Variants in RUNX2 observed in about 807,000 individuals in gnomAD.
The protein encoded by RUNX2 is RUNX family transcription factor 2.
In RUNX2, 10 loss-of-function variants were observed where a neutral mutation model predicts 51.7. That is an observed-to-expected ratio of 0.19 (90% CI 0.12 to 0.33). RUNX2 has a LOEUF of 0.33. Among genes scored for constraint, RUNX2 ranks in the 10% least tolerant of loss-of-function variants. The pLI is 1.00. For missense variants in RUNX2, 562 were observed against 691.3 expected, an observed-to-expected ratio of 0.81 and a Z score of 2.10; for synonymous variants, 276 against 273.6, an observed-to-expected ratio of 1.01 and a Z score of -0.09.
intron 5 of RUNX2, among the ~76,000 whole-genome samples, chr6:45,472,211 G>A (rs998559249): frequency 6.6e-6 from 1 of 152,044 alleles, no homozygotes; most frequent in Non-Finnish European, 1.5e-5. Flanking sequence ...GTGCTGCCTG[G>A]TGCAAAAACT....
chr6:45,436,346 A>C (rs1326127824), intron 4 of RUNX2, among the ~76,000 whole-genome samples: 2 of 150,334 alleles, frequency 1.3e-5, no homozygotes, highest in African/African-American at 2.5e-5. Flanking sequence ...TGAGGTTCAG[A>C]TCTTCATTTT....
chr6:45,505,352 T>C (rs7750266), intron 6 of RUNX2, among the ~76,000 whole-genome samples: 27,179 of 150,732 alleles, frequency 0.18, 2,724 homozygotes, highest in African/African-American at 0.22. Flanking sequence ...TTCATTTTCC[T>C]GGGATGCCTT....
chr6:45,534,088 T>A (rs1290215283), intron 7 of RUNX2, among the ~76,000 whole-genome samples: 3 of 151,700 alleles, frequency 2.0e-5, no homozygotes, highest in Non-Finnish European at 4.4e-5. Context: ...AGAGATGGGG[T>A]TTCACCATAT....
intron 5 of RUNX2, among the ~76,000 whole-genome samples, chr6:45,490,426 C>G (rs556220946): frequency 6.6e-6 from 1 of 152,050 alleles, no homozygotes; most frequent in African/African-American, 2.4e-5. Flanking sequence ...CACGTTTGGC[C>G]GTGGAGACAG....
intron 7 of RUNX2, among the ~76,000 whole-genome samples, chr6:45,534,801 A>G (rs1472345414): frequency 6.6e-6 from 1 of 152,182 alleles, no homozygotes; most frequent in East Asian, 1.9e-4. Flanking sequence ...TCCCTTAGAC[A>G]CACATGTAAA....
chr6:45,534,308 T>TAATG (rs1010053083), intron 7 of RUNX2, among the ~76,000 whole-genome samples: 21 of 152,186 alleles, frequency 1.4e-4, no homozygotes, highest in African/African-American at 5.1e-4. Flanking sequence ...AGCTCTGCAC[T>TAATG]AATGAGCTGT....
At chr6:45,537,054 G>A in intron 7 of RUNX2, among the ~76,000 whole-genome samples, 1 of 152,162 alleles carries the variant, frequency 6.6e-6, no homozygotes, top group East Asian at 1.9e-4. Context: ...CTTTTAGGAT[G>A]GAAATGTTTG....
chr6:45,451,867 G>C (rs903044935), intron 5 of RUNX2, among the ~76,000 whole-genome samples: 1 of 152,076 alleles, frequency 6.6e-6, no homozygotes, highest in Admixed American at 6.6e-5. Context: ...AAAATCAAAG[G>C]CATGATTTCT....
chr6:45,404,272 AAAG>A lies in RUNX2; in HGVS notation c.59-18318_59-18316del, dbSNP rs1362823249. On this transcript the variant is annotated intron_variant, in intron 2 of 8. Transcript: ENST00000647337. ...AAGACTCTGTCTCAAAAAAAAAAAAAAAGAAAAAGAAAAAAGAAAAAAAAAAGG... is the reference window on the plus strand; with the variant it reads ...AAGACTCTGTCTCAAAAAAAAAAAAAAAAAAGAAAAAAGAAAAAAAAAAGG... Among the ~76,000 whole-genome samples the A allele has an allele frequency of 7.1e-5, 10 of 140,172 alleles. 1 individual carries two copies. The highest frequency in any genetic ancestry group is 2.7e-4 in the African/African-American group (10 of 36,980). 92.0% of individuals were successfully genotyped at this position (140,172 alleles called of 152,430 possible).
In RUNX2 at chr6:45,547,334, T is replaced by A; in HGVS notation, c.*29T>A. The A allele has an allele frequency of 3.3e-6, 5 of 1,526,004 alleles. No homozygotes were observed. The highest frequency in any genetic ancestry group is 3.6e-6 in the Non-Finnish European group (4 of 1,100,380). The allele number at this position is 1,526,004 out of a possible 1,614,324, so 94.5% of individuals were successfully genotyped here. A position where few individuals can be genotyped will look rare whatever the true frequency, so the allele number is the denominator to read the frequency against. ...TCCTCAGCAGTGGCCCAGTGGTATC[T>A]GGGGGCCACATCCCACACGTATCAA... On this transcript the variant is annotated 3_prime_UTR_variant, in exon 9 of 9. Transcript: ENST00000647337.
At chr6:45,498,453 C>A (rs1800709948) in intron 6 of RUNX2, among the ~76,000 whole-genome samples, 1 of 152,122 alleles carries the variant, frequency 6.6e-6, no homozygotes, top group African/African-American at 2.4e-5. Context: ...GGACTAATTT[C>A]TTTTTCTTCT....
chr6:45,473,475 C>T (rs1799865628), intron 5 of RUNX2, among the ~76,000 whole-genome samples: 1 of 152,206 alleles, frequency 6.6e-6, no homozygotes, highest in African/African-American at 2.4e-5. Flanking sequence ...TGAGAATTAA[C>T]ATGTGGTACT....
At chr6:45,456,049 A>G (rs564095340) in intron 5 of RUNX2, among the ~76,000 whole-genome samples, 2 of 152,356 alleles carry the variant, frequency 1.3e-5, no homozygotes, top group Admixed American at 1.3e-4. Flanking sequence ...CATTTGAAAT[A>G]ACATTTACTT....
At chr6:45,413,933 T>C (rs1158733855) in intron 2 of RUNX2, among the ~76,000 whole-genome samples, 1 of 152,106 alleles carries the variant, frequency 6.6e-6, no homozygotes, top group Non-Finnish European at 1.5e-5. Context: ...GGGCAAAACT[T>C]AAGGGAGTTC....
intron 7 of RUNX2, among the ~76,000 whole-genome samples, chr6:45,514,595 A>G (rs1476898189): frequency 6.6e-6 from 1 of 152,176 alleles, no homozygotes; most frequent in Non-Finnish European, 1.5e-5. Flanking sequence ...TCTTGTCAGC[A>G]TGTAGGTAGG....
chr6:45,506,289 C>T (rs1348599424), intron 6 of RUNX2, among the ~76,000 whole-genome samples: 1 of 152,146 alleles, frequency 6.6e-6, no homozygotes, highest in Non-Finnish European at 1.5e-5. Flanking sequence ...GTACAGCAGA[C>T]CCATCAGATA....
At chr6:45,369,986 TA>T (rs1795784892) in intron 2 of RUNX2, among the ~76,000 whole-genome samples, 2 of 152,172 alleles carry the variant, frequency 1.3e-5, no homozygotes, top group African/African-American at 4.8e-5. Context: ...GGGCAGATCT[TA>T]TAAAGCCTTT....
At chr6:45,517,123 G>A (rs1801355664) in intron 7 of RUNX2, among the ~76,000 whole-genome samples, 1 of 152,104 alleles carries the variant, frequency 6.6e-6, no homozygotes, top group Non-Finnish European at 1.5e-5. Context: ...AAGATGCACA[G>A]GTAAGATGCA....
chr6:45,519,774 TTATA>T (rs1179504865), intron 7 of RUNX2, among the ~76,000 whole-genome samples: 3 of 135,932 alleles, frequency 2.2e-5, no homozygotes, highest in African/African-American at 6.7e-5. Flanking sequence ...AAGGATGCTA[TTATA>T]TATATATATA....
Sources: allele counts gnomAD v4.1 joint callset (sites outside exome capture counted in the v4.1 genomes callset), GRCh38; gene constraint gnomAD v4.1.1; transcripts MANE v1.5; gene names NCBI Gene and HGNC (gene_info 2026-07-23, HGNC 2026-07-21).